Variants in CNTNAP2 observed in about 807,000 individuals in gnomAD.
CNTNAP2 encodes contactin associated protein 2.
A neutral mutation model predicts 155.2 loss-of-function variants in CNTNAP2; 98 were observed. The observed-to-expected ratio is 0.63, with a 90% CI of 0.54 to 0.75. The LOEUF (loss-of-function observed/expected upper bound fraction) is 0.75, where lower values mean the gene tolerates loss of function less well. Ranked by LOEUF, CNTNAP2 falls within the 30% of genes least tolerant of loss-of-function variation. The pLI, the probability that CNTNAP2 is intolerant of heterozygous loss-of-function variation, is 0.00. For missense variants in CNTNAP2, 1,727 were observed against 1,688.1 expected (o/e 1.02, Z -0.40); for synonymous variants, 651 against 631.2 (o/e 1.03, Z -0.47).
intron 3 of CNTNAP2, among the ~76,000 whole-genome samples, chr7:146,959,772 G>T (rs556763366): frequency 2.0e-5 from 3 of 151,888 alleles, no homozygotes; most frequent in Non-Finnish European, 2.9e-5. Flanking sequence ...ACATTTCCAG[G>T]CTGATTGTAA....
chr7:148,297,210 A>AT, intron 21 of CNTNAP2, among the ~76,000 whole-genome samples: 1 of 151,982 alleles, frequency 6.6e-6, no homozygotes, highest in South Asian at 2.1e-4. Flanking sequence ...GGAAGGAAAA[A>AT]CACCTAAAGT....
chr7:147,358,971 A>C (rs2116892142), intron 9 of CNTNAP2, among the ~76,000 whole-genome samples: 1 of 152,262 alleles, frequency 6.6e-6, no homozygotes, highest in South Asian at 2.1e-4. Context: ...TTCTAAAGGG[A>C]TTTTAAGACC....
intron 1 of CNTNAP2, among the ~76,000 whole-genome samples, chr7:146,290,040 G>T (rs1800404451): frequency 6.6e-6 from 1 of 152,080 alleles, no homozygotes; most frequent in African/African-American, 2.4e-5. Flanking sequence ...TTGTATACAT[G>T]AAAAGTTTAA....
intron 16 of CNTNAP2, among the ~76,000 whole-genome samples, chr7:148,125,691 A>G (rs4725764): frequency 0.11 from 13,338 of 124,278 alleles, 778 homozygotes; most frequent in African/African-American, 0.2. Context: ...GTGTGTGTGT[A>G]TATATATATA....
At chr7:147,775,998 G>A (rs1797578997) in intron 13 of CNTNAP2, among the ~76,000 whole-genome samples, 3 of 152,150 alleles carry the variant, frequency 2.0e-5, no homozygotes, top group Admixed American at 2.0e-4. Flanking sequence ...AAACACTGCA[G>A]AGAAGTAGTT....
At chr7:146,997,428 T>A (rs1421011350) in intron 3 of CNTNAP2, among the ~76,000 whole-genome samples, 4 of 152,142 alleles carry the variant, frequency 2.6e-5, no homozygotes, top group Admixed American at 6.6e-5. Context: ...ATCTAACGTA[T>A]CACAATGAAT....
At chr7:147,522,787 CAAA>C (rs746780496) in intron 11 of CNTNAP2, among the ~76,000 whole-genome samples, 1 of 106,238 alleles carries the variant, frequency 9.4e-6, no homozygotes, top group Non-Finnish European at 2.1e-5. Context: ...AACAAAAAAA[CAAA>C]AAAAAAAAAA....
chr7:146,421,002 G>T (rs1526158), intron 1 of CNTNAP2, among the ~76,000 whole-genome samples: 64,463 of 151,768 alleles, frequency 0.42, 16,658 homozygotes, highest in African/African-American at 0.73. Flanking sequence ...AAAGATTTTC[G>T]GCATTTATAT....
chr7:148,071,840 T>C (rs1413123996), intron 15 of CNTNAP2, among the ~76,000 whole-genome samples: 1 of 152,214 alleles, frequency 6.6e-6, no homozygotes, highest in Admixed American at 6.5e-5. Flanking sequence ...GCTTATTTAT[T>C]TTTTGAGAAA....
At chr7:147,577,589 G>T (rs962469561) in intron 12 of CNTNAP2, among the ~76,000 whole-genome samples, 12 of 151,754 alleles carry the variant, frequency 7.9e-5, no homozygotes, top group African/African-American at 2.9e-4. Context: ...TCTTCTATTG[G>T]GGTGGCAGGA....
At chr7:147,431,686 C>T (rs1797469356) in intron 10 of CNTNAP2, among the ~76,000 whole-genome samples, 1 of 152,124 alleles carries the variant, frequency 6.6e-6, no homozygotes, top group Non-Finnish European at 1.5e-5. Flanking sequence ...TTGTTTTTTT[C>T]TCTGGGATAT....
intron 21 of CNTNAP2, among the ~76,000 whole-genome samples, chr7:148,286,035 GAAA>G (rs1471661523): frequency 1.3e-5 from 2 of 152,062 alleles, no homozygotes; most frequent in East Asian, 3.8e-4. Flanking sequence ...AAAATCATAG[GAAA>G]GATAAAATAC....
intron 12 of CNTNAP2, among the ~76,000 whole-genome samples, chr7:147,598,963 T>C (rs1300985233): frequency 3.3e-5 from 5 of 152,176 alleles, no homozygotes; most frequent in Non-Finnish European, 5.9e-5. Flanking sequence ...CCAGCCATGC[T>C]GAACTGTGAG....
chr7:146,980,166 A>G (rs1797986602), intron 3 of CNTNAP2, among the ~76,000 whole-genome samples: 1 of 152,026 alleles, frequency 6.6e-6, no homozygotes, highest in African/African-American at 2.4e-5. Flanking sequence ...AGAAAGATTA[A>G]TAGGAAATCA....
At chr7:146,444,454 A>AT (rs1796372229) in intron 1 of CNTNAP2, among the ~76,000 whole-genome samples, 1 of 152,172 alleles carries the variant, frequency 6.6e-6, no homozygotes, top group Admixed American at 6.6e-5. Flanking sequence ...GGCCTGAAGG[A>AT]CCCAGGATTC....
intron 20 of CNTNAP2, among the ~76,000 whole-genome samples, chr7:148,262,510 A>T (rs1184738077): frequency 6.6e-6 from 1 of 152,078 alleles, no homozygotes; most frequent in African/African-American, 2.4e-5. Flanking sequence ...TGAGAGGAGA[A>T]TCTGTTTCCT....
intron 1 of CNTNAP2, among the ~76,000 whole-genome samples, chr7:146,474,771 C>T (rs1360391654): frequency 6.6e-6 from 1 of 151,960 alleles, no homozygotes; most frequent in East Asian, 1.9e-4. Context: ...AAAAGTAGAC[C>T]TGACTGTATC....
intron 13 of CNTNAP2, among the ~76,000 whole-genome samples, chr7:147,860,571 CAG>C (rs1269362162): frequency 7.1e-6 from 1 of 140,866 alleles, no homozygotes; most frequent in Admixed American, 7.3e-5. Context: ...GCCTAGGCAA[CAG>C]AGTGAGACTC....
intron 3 of CNTNAP2, among the ~76,000 whole-genome samples, chr7:146,898,191 T>G (rs1182839472): frequency 6.6e-6 from 1 of 152,098 alleles, no homozygotes; most frequent in African/African-American, 2.4e-5. Context: ...TTCTGGATTT[T>G]AATATATAAA....
Sources: allele counts gnomAD v4.1 joint callset (sites outside exome capture counted in the v4.1 genomes callset), GRCh38; gene constraint gnomAD v4.1.1; transcripts MANE v1.5; gene names NCBI Gene and HGNC (gene_info 2026-07-23, HGNC 2026-07-21).